Variants in ZSWIM9 observed in about 807,000 individuals in gnomAD.
ZSWIM9 encodes the protein uncharacterized protein ZSWIM9.
A neutral mutation model predicts 25.0 loss-of-function variants in ZSWIM9; 11 were observed. The observed-to-expected ratio is 0.44, with a 90% CI of 0.28 to 0.73. The LOEUF (loss-of-function observed/expected upper bound fraction) is 0.73, where lower values mean the gene tolerates loss of function less well. ZSWIM9 is among the 30% of genes least tolerant of loss of function. The pLI is 0.16. For synonymous variants in ZSWIM9, 562 were observed against 582.1 expected (o/e 0.97, Z 0.50); for missense variants, 1,070 against 1,296.5 (o/e 0.83, Z 2.68).
intron 2 of ZSWIM9, chr19:48,181,646 A>G (rs1299506159): frequency 6.6e-6 from 1 of 152,226 alleles, no homozygotes; most frequent in Non-Finnish European, 1.5e-5. Context: ...TTTAGTAGAT[A>G]CTGCCATGAA....
intron 2 of ZSWIM9, among the ~76,000 whole-genome samples, chr19:48,172,553 A>G (rs923874686): frequency 2.0e-5 from 3 of 151,964 alleles, no homozygotes; most frequent in Non-Finnish European, 4.4e-5. Context: ...TTGCTCTGTC[A>G]CTCAGGCTGG....
rs2037087176 is a variant in ZSWIM9 at position 48,191,078 on chromosome 19, C to G, written c.589-3575C>G. On this transcript the variant is annotated intron_variant, in intron 3 of 3. Transcript: ENST00000614654. ...GTTGGGGTTGTTGTGTGAGAAAGTGCAGTGTGTATGTGTATGTGTGTGTGT... is the reference window on the plus strand; with the variant it reads ...GTTGGGGTTGTTGTGTGAGAAAGTGGAGTGTGTATGTGTATGTGTGTGTGT... 3.9e-5 allele frequency among the ~76,000 whole-genome samples: 5 copies of G among 127,262 alleles called. No homozygotes were observed. The South Asian group carries it at 1.1e-3, about 29-fold the overall frequency. 83.5% of individuals were successfully genotyped at this position (127,262 alleles called of 152,430 possible). A position where few individuals can be genotyped will look rare whatever the true frequency, so the allele number is the denominator to read the frequency against.
At chr19:48,186,720 G>T (rs542720519) in intron 3 of ZSWIM9, 1 of 154,886 alleles carries the variant, frequency 6.5e-6, no homozygotes, top group African/African-American at 2.4e-5. Flanking sequence ...CTCCTGGCGG[G>T]GGGTGAAGGC....
At position 48,182,285 on chromosome 19, in the gene ZSWIM9, G is replaced by A. The variant is rs1442283365; in HGVS notation, c.276-170G>A. 1.6e-6 allele frequency: 1 copy of A among 614,010 alleles called. No individual in the cohort carries two copies. Among genetic ancestry groups the A allele is most frequent in the East Asian group, 2.8e-5 (1 of 36,130 alleles). 38.0% of individuals were successfully genotyped at this position (614,010 alleles called of 1,614,324 possible). A position where few individuals can be genotyped will look rare whatever the true frequency, so the allele number is the denominator to read the frequency against. On this transcript the variant is annotated intron_variant, in intron 2 of 3. Transcript: ENST00000614654. This position sits in a 1 kb window ranked among gnomAD's most constrained non-coding sequence, Gnocchi z 4.6. ...TAACCTATGAGGAAACTGAGGCATA[G>A]AGACTTGAAGTGACTTGCCCCAGGT...
Position 48,182,828 on chromosome 19 carries a change from G to C in ZSWIM9, c.588+61G>C, listed in dbSNP as rs955005484. On this transcript the variant is annotated intron_variant, in intron 3 of 3. Coordinates refer to ENST00000614654, the MANE Select transcript of ZSWIM9 (RefSeq NM_199341.4). The surrounding 1 kb of genome is among the most constrained non-coding windows in gnomAD (Gnocchi z 4.6). ...CGGGGGAAAGCCGCGCTGAAGACTCGTGGGTCATTCATGCCTTCATCCGCC... is the reference window on the plus strand; with the variant it reads ...CGGGGGAAAGCCGCGCTGAAGACTCCTGGGTCATTCATGCCTTCATCCGCC... The C allele has an allele frequency of 7.9e-7, 1 of 1,262,714 alleles. No homozygotes were observed. Among genetic ancestry groups the C allele is most frequent in the East Asian group, 2.5e-5 (1 of 39,252 alleles). The allele number at this position is 1,262,714 out of a possible 1,614,324, so 78.2% of individuals were successfully genotyped here. A position where few individuals can be genotyped will look rare whatever the true frequency, so the allele number is the denominator to read the frequency against.
chr19:48,182,934 G>A lies in ZSWIM9; in HGVS notation c.588+167G>A. On this transcript the variant is annotated intron_variant, in intron 3 of 3. Coordinates refer to ENST00000614654, the MANE Select transcript of ZSWIM9 (RefSeq NM_199341.4). This position sits in a 1 kb window ranked among gnomAD's most constrained non-coding sequence, Gnocchi z 4.6. ...TTACCGAGGCATTGGGGATGCAGCA[G>A]CAAACCAGACCCACGTGGTCTCTGT... 4.8e-6 allele frequency: 3 copies of A among 628,342 alleles called. No homozygotes were observed. The East Asian group carries it at 8.3e-5, about 17-fold the overall frequency. The allele number at this position is 628,342 out of a possible 1,614,324, so 38.9% of individuals were successfully genotyped here.
intron 3 of ZSWIM9, chr19:48,187,550 A>ATATTATATATTAT (rs1188485489): frequency 3.3e-5 from 1 of 30,508 alleles, no homozygotes; most frequent in African/African-American, 9.6e-5. Flanking sequence ...ATATTATATT[A>ATATTATATATTAT]TATATATTAT....
chr19:48,191,086 A>ATGTG (rs1409972670), intron 3 of ZSWIM9, among the ~76,000 whole-genome samples: 6,249 of 142,550 alleles, frequency 0.044, 167 homozygotes, highest in East Asian at 0.072. Context: ...TGCAGTGTGT[A>ATGTG]TGTGTATGTG....
intron 3 of ZSWIM9, among the ~76,000 whole-genome samples, chr19:48,192,480 A>AATATATATATATATATATAT (rs1555787871): frequency 2.9e-4 from 5 of 17,372 alleles, no homozygotes; most frequent in Non-Finnish European, 3.6e-4. Context: ...AAAAAAAAAA[A>AATATATATATATATATATAT]ATATATATAT....
chr19:48,192,869 A>G lies in ZSWIM9; in HGVS notation c.589-1784A>G, dbSNP rs574115850. 72 of 153,390 alleles carry G rather than the reference A, an allele frequency of 4.7e-4. 1 individual carries two copies. In the South Asian group the frequency reaches 9.5e-3, roughly 20 times the overall value. 9.5% of individuals were successfully genotyped at this position (153,390 alleles called of 1,614,324 possible). On this transcript the variant is annotated intron_variant, in intron 3 of 3. Coordinates refer to ENST00000614654, the MANE Select transcript of ZSWIM9 (RefSeq NM_199341.4). ...CATCAGTCTCTCTGATTCCTTAATT[A>G]TCTAACAGCAGCACATAGGGCAGAG...
chr19:48,193,010 CACTT>C (rs1381406660), intron 3 of ZSWIM9: 1 of 155,362 alleles, frequency 6.4e-6, no homozygotes, highest in Non-Finnish European at 1.5e-5. Flanking sequence ...TAGCCAGGGA[CACTT>C]ACTTGGGCCT....
At chr19:48,175,454 G>A (rs2036883269) in intron 2 of ZSWIM9, among the ~76,000 whole-genome samples, 2 of 152,198 alleles carry the variant, frequency 1.3e-5, no homozygotes, top group Admixed American at 6.5e-5. Flanking sequence ...CCGAGGTCAG[G>A]CTGGAGAAGT....
Position 48,195,429 on chromosome 19 carries a change from G to C in ZSWIM9, c.1365G>C (p.Glu455Asp), listed in dbSNP as rs1288432990. The C allele has an allele frequency of 6.9e-7, 1 of 1,446,962 alleles. No homozygotes were observed. Among genetic ancestry groups the C allele is most frequent in the Non-Finnish European group, 9.0e-7 (1 of 1,108,652 alleles). The allele number at this position is 1,446,962 out of a possible 1,614,324, so 89.6% of individuals were successfully genotyped here. Reference protein sequence around the residue: ...EGPDGGGPWLEDEPGRGAQGE... With the variant: ...EGPDGGGPWLDDEPGRGAQGE... ...CCGATGGCGGGGGGCCTTGGCTGGA[G>C]GATGAGCCAGGGAGGGGAGCCCAGG... Residue 455 changes from glutamate (E) to aspartate (D), a missense_variant, in exon 4 of 4, where the codon GAG (glutamate) becomes GAC (aspartate). Physicochemically the swap from Glu to Asp is conservative, Grantham distance 45. Transcript: ENST00000614654. This position sits in a 1 kb window ranked among gnomAD's most constrained non-coding sequence, Gnocchi z 5.8.
intron 2 of ZSWIM9, among the ~76,000 whole-genome samples, chr19:48,173,519 G>A (rs985974397): frequency 3.3e-5 from 5 of 152,032 alleles, no homozygotes; most frequent in Non-Finnish European, 7.4e-5. Context: ...GGCTGGTCTC[G>A]AACTCCTGAC....
At chr19:48,191,371 AT>A (rs1215665929) in intron 3 of ZSWIM9, among the ~76,000 whole-genome samples, 1 of 151,774 alleles carries the variant, frequency 6.6e-6, no homozygotes, top group Non-Finnish European at 1.5e-5. Context: ...CGCCCAGCTA[AT>A]TTTTGTATTT....
chr19:48,180,580 G>A (rs1049767740), intron 2 of ZSWIM9, among the ~76,000 whole-genome samples: 2 of 151,866 alleles, frequency 1.3e-5, no homozygotes, highest in Admixed American at 6.6e-5. Flanking sequence ...GGGTAATCCA[G>A]ACTCTCCCCA....
At position 48,195,532 on chromosome 19, in the gene ZSWIM9, G is replaced by T; in HGVS notation, c.1468G>T (p.Ala490Ser). 1 of 1,414,454 alleles carries T rather than the reference G, an allele frequency of 7.1e-7. No individual in the cohort carries two copies. Among genetic ancestry groups the T allele is most frequent in the South Asian group, 1.5e-5 (1 of 65,192 alleles). The allele number at this position is 1,414,454 out of a possible 1,614,324, so 87.6% of individuals were successfully genotyped here. ...GAAAGAAGGAAGTATTTGGAGGGGA[G>T]CCCAGATGGAGAAGGAGTGGGCAAG... ...APKEGSIWRG[A>S]QMEKEWARAL... The change falls in exon 4 of 4, where the codon GCC becomes TCC. Residue 490 changes from alanine (A) to serine (S), a missense_variant. Ala to Ser is a moderately conservative substitution (Grantham distance 99, BLOSUM62 1). Transcript: ENST00000614654. This position sits in a 1 kb window ranked among gnomAD's most constrained non-coding sequence, Gnocchi z 5.8.
chr19:48,172,123 CG>C, intron 2 of ZSWIM9, 46 bp downstream of exon 2: 5 of 374,634 alleles, frequency 1.3e-5, no homozygotes, highest in Non-Finnish European at 2.3e-5. Context: ...AGGGGAGCAC[CG>C]GGGGTGGGTG....
intron 3 of ZSWIM9, among the ~76,000 whole-genome samples, chr19:48,188,552 G>T: frequency 6.6e-6 from 1 of 152,016 alleles, no homozygotes. Context: ...CACCTGCCCT[G>T]CCTGATGATG....
Sources: gnomAD v4.1 joint callset for allele counts (sites outside exome capture counted in the v4.1 genomes callset) on GRCh38, gnomAD v4.1.1 for gene constraint, Gnocchi (gnomAD v3.1) non-coding constraint, MANE v1.5 for transcripts, NCBI Gene and HGNC (gene_info 2026-07-23, HGNC 2026-07-21) for gene names.